The following KIAA1217 variants were observed in gnomAD, a reference collection of about 807,000 sequenced individuals.
KIAA1217 encodes KIAA1217.
Under a neutral mutation model 163.9 loss-of-function variants are expected in KIAA1217, and 88 were observed. That is an observed-to-expected ratio of 0.54 (90% CI 0.45 to 0.64). The LOEUF is 0.64. KIAA1217 is among the 30% of genes least tolerant of loss of function. The pLI is 0.00. For synonymous variants in KIAA1217, 903 were observed against 923.1 expected, an observed-to-expected ratio of 0.98 and a Z score of 0.39; for missense variants, 2,372 against 2,475.0, an observed-to-expected ratio of 0.96 and a Z score of 0.88.
At chr10:24,395,784 C>A (rs1280295074) in intron 3 of KIAA1217, among the ~76,000 whole-genome samples, 1 of 152,150 alleles carries the variant, frequency 6.6e-6, no homozygotes. Flanking sequence ...AAGCCTCCCA[C>A]CTCAGCCTCT....
In KIAA1217 at chr10:23,885,213, A is replaced by G. The variant is rs116207036; in HGVS notation, c.-320-122012A>G. Among the ~76,000 whole-genome samples, 606 of 152,076 alleles carry G rather than the reference A, an allele frequency of 4.0e-3. 1 individual carries two copies. Among genetic ancestry groups the G allele is most frequent in the African/African-American group, 0.014 (576 of 41,542 alleles). Reference sequence around the variant, plus strand: ...TTGATATATACATAGTGAAATGACTATCACACTAAATCTAGTTAACACACT... The same window carrying G: ...TTGATATATACATAGTGAAATGACTGTCACACTAAATCTAGTTAACACACT... On this transcript the variant is annotated intron_variant, in intron 1 of 18. Coordinates refer to the KIAA1217 transcript ENST00000376462.
At chr10:23,903,835 G>T (rs190675326) in intron 1 of KIAA1217, among the ~76,000 whole-genome samples, 82 of 152,158 alleles carry the variant, frequency 5.4e-4, no homozygotes, top group Non-Finnish European at 1.0e-3. Flanking sequence ...CCTGGCACTT[G>T]GGAACTGGGA....
intron 2 of KIAA1217, among the ~76,000 whole-genome samples, chr10:24,361,169 C>CT (rs1250409378): frequency 8.0e-6 from 1 of 125,110 alleles, no homozygotes; most frequent in Non-Finnish European, 1.9e-5. Context: ...AAGCACATGC[C>CT]ATTTTTTTTT....
chr10:24,044,961 A>G (rs1848894159), intron 2 of KIAA1217, among the ~76,000 whole-genome samples: 1 of 152,106 alleles, frequency 6.6e-6, no homozygotes, highest in Non-Finnish European at 1.5e-5. Flanking sequence ...GAACTCCTGA[A>G]CAGGTATCTC....
chr10:24,325,873 C>T (rs115829072), intron 2 of KIAA1217, among the ~76,000 whole-genome samples: 137 of 152,254 alleles, frequency 9.0e-4, no homozygotes, highest in African/African-American at 3.1e-3. Context: ...GCAGGAAGCT[C>T]CTCTCTCTAA....
chr10:24,191,501 T>C (rs566557826), intron 2 of KIAA1217, among the ~76,000 whole-genome samples: 3 of 152,302 alleles, frequency 2.0e-5, no homozygotes, highest in African/African-American at 7.2e-5. Context: ...TTCTCCATTA[T>C]GTGATTATTT....
At chr10:24,492,804 C>T (rs1053811628) in intron 6 of KIAA1217, among the ~76,000 whole-genome samples, 2 of 62,134 alleles carry the variant, frequency 3.2e-5, no homozygotes, top group African/African-American at 1.5e-4. Context: ...TGCAGATGCA[C>T]CAGCTTAATC....
chr10:24,041,145 C>T (rs2131557245), intron 2 of KIAA1217, among the ~76,000 whole-genome samples: 1 of 152,330 alleles, frequency 6.6e-6, no homozygotes, highest in South Asian at 2.1e-4. Context: ...TATATGACCA[C>T]ATCTTCCCAG....
chr10:24,516,269 T>C (rs189724591), intron 10 of KIAA1217, among the ~76,000 whole-genome samples: 50 of 152,304 alleles, frequency 3.3e-4, no homozygotes, highest in Non-Finnish European at 5.4e-4. Flanking sequence ...GGCAGCAGAG[T>C]TGGGTGCAAG....
chr10:23,942,552 A>G (rs1279878572), intron 1 of KIAA1217, among the ~76,000 whole-genome samples: 3 of 152,192 alleles, frequency 2.0e-5, no homozygotes, highest in African/African-American at 7.2e-5. Context: ...CTGAAGAAAT[A>G]GTAGCCCCCC....
chr10:24,088,819 A>G (rs2061817314), intron 2 of KIAA1217, among the ~76,000 whole-genome samples: 1 of 124,400 alleles, frequency 8.0e-6, no homozygotes, highest in African/African-American at 2.5e-5. Flanking sequence ...CAGTAATGGG[A>G]TGGCTGGGTG....
chr10:23,865,329 G>A (rs886071096), intron 1 of KIAA1217, among the ~76,000 whole-genome samples: 1 of 152,044 alleles, frequency 6.6e-6, no homozygotes. Flanking sequence ...CCAGACTGTG[G>A]GAAGTTGAGC....
chr10:24,409,984 C>CT (rs372335927), intron 3 of KIAA1217, among the ~76,000 whole-genome samples: 1 of 141,556 alleles, frequency 7.1e-6, no homozygotes, highest in Non-Finnish European at 1.6e-5. Context: ...CTTTTCTTTT[C>CT]TTTTTCTTTT....
rs2131506738 is a variant in KIAA1217, at chr10:24,018,172, C to T, written c.-171+10798C>T. Reference sequence around the variant, plus strand: ...ATTATAAGGAGTATGTGCTCCCAAACAAAAAGTCACCAAACACAAAAAAGT... The same window carrying T: ...ATTATAAGGAGTATGTGCTCCCAAATAAAAAGTCACCAAACACAAAAAAGT... On this transcript the variant is annotated intron_variant, in intron 2 of 18. Coordinates refer to the KIAA1217 transcript ENST00000376462. 2.0e-5 allele frequency among the ~76,000 whole-genome samples: 3 copies of T among 152,004 alleles called. 1 individual carries two copies. Among genetic ancestry groups the T allele is most frequent in the Admixed American group, 2.0e-4 (3 of 15,246 alleles).
chr10:23,930,440 G>A (rs970341893), intron 1 of KIAA1217, among the ~76,000 whole-genome samples: 5 of 152,122 alleles, frequency 3.3e-5, no homozygotes, highest in African/African-American at 9.7e-5. Context: ...CTTCCAAAGA[G>A]CTATGTCCAC....
intron 10 of KIAA1217, among the ~76,000 whole-genome samples, chr10:24,518,019 G>A (rs1197935852): frequency 6.6e-6 from 1 of 152,088 alleles, no homozygotes; most frequent in Non-Finnish European, 1.5e-5. Flanking sequence ...ACTATGAAAA[G>A]AAATTGGGTC....
intron 2 of KIAA1217, chr10:24,158,392 A>G (rs1190081731): frequency 1.6e-5 from 10 of 616,608 alleles, no homozygotes; most frequent in Non-Finnish European, 2.5e-5. Flanking sequence ...TGCTTCCTAC[A>G]TATTATTACA....
chr10:23,964,399 G>A lies in KIAA1217; in HGVS notation c.-320-42826G>A, dbSNP rs188879438. Among the ~76,000 whole-genome samples, 246 of 151,708 alleles carry A rather than the reference G, an allele frequency of 1.6e-3. 1 individual carries two copies. Among genetic ancestry groups the A allele is most frequent in the Admixed American group, 5.2e-3 (79 of 15,232 alleles). On this transcript the variant is annotated intron_variant, in intron 1 of 18. Coordinates refer to the KIAA1217 transcript ENST00000376462. The stretch of plus-strand genomic sequence containing the variant: ...AATTTTCTCCCATTCTGTATGTTGC[G>A]TGTTCACTCTGCTGATAGTTTCTTT...
intron 2 of KIAA1217, among the ~76,000 whole-genome samples, chr10:24,173,727 C>G (rs1372426369): frequency 6.6e-6 from 1 of 152,178 alleles, no homozygotes; most frequent in Non-Finnish European, 1.5e-5. Flanking sequence ...ACTTCAAAAG[C>G]TTAGAATACT....
Sources: gnomAD v4.1 joint callset for allele counts (sites outside exome capture counted in the v4.1 genomes callset) on GRCh38, gnomAD v4.1.1 for gene constraint, MANE v1.5 for transcripts, NCBI Gene and HGNC (gene_info 2026-07-23, HGNC 2026-07-21) for gene names.